Variants in BRI3BP observed in about 807,000 individuals in gnomAD.
The protein encoded by BRI3BP is BRI3 binding protein, also known as BRI3-binding protein.
Under a neutral mutation model 15.8 loss-of-function variants are expected in BRI3BP, and 7 were observed. The ratio of observed to expected loss-of-function variants is 0.44; its 90% CI spans 0.25 to 0.83. The LOEUF (loss-of-function observed/expected upper bound fraction) is 0.83. BRI3BP is among the 40% of genes least tolerant of loss of function. The pLI is 0.20. For synonymous variants in BRI3BP, 192 were observed against 163.5 expected, an observed-to-expected ratio of 1.17 and a Z score of -1.33; for missense variants, 320 against 339.3, an observed-to-expected ratio of 0.94 and a Z score of 0.45.
Position 124,993,755 on chromosome 12 carries a change from AC to A in BRI3BP, c.-32del. 2 of 987,722 alleles carry A rather than the reference AC, an allele frequency of 2.0e-6. No individual in the cohort carries two copies. Among genetic ancestry groups the A allele is most frequent in the Non-Finnish European group, 2.4e-6 (2 of 831,364 alleles). The allele number at this position is 987,722 out of a possible 1,614,324, so 61.2% of individuals were successfully genotyped here. On this transcript the variant is annotated 5_prime_UTR_variant, in exon 1 of 3. Transcript: ENST00000341446. ...CGCTGCGGCCCAGCGCACGGCCCTC[AC>A]CCCGCATCGCGACCCCGCGCCCCGC... is the stretch of plus-strand genomic sequence containing the variant.
At chr12:125,024,871 C>A (rs1184068653) in intron 2 of BRI3BP, 120 bp from the exon 3 acceptor site, 1 of 828,634 alleles carries the variant, frequency 1.2e-6, no homozygotes, top group South Asian at 1.8e-5. Flanking sequence ...TCCTTGAGTT[C>A]CTTTGGTTGT....
At chr12:125,033,247 C>T (rs1268215969), downstream of BRI3BP, among the ~76,000 whole-genome samples, 1 of 152,108 alleles carries the variant, frequency 6.6e-6, no homozygotes, top group African/African-American at 2.4e-5. Flanking sequence ...TAGATTTGGG[C>T]TGGGTGTAGT....
chr12:125,018,378 TTTG>T (rs1452546444), intron 2 of BRI3BP, among the ~76,000 whole-genome samples: 1 of 152,158 alleles, frequency 6.6e-6, no homozygotes, highest in East Asian at 1.9e-4. Flanking sequence ...GTGGGTGTCA[TTTG>T]TTAAGATGAG....
At chr12:125,018,045 G>A (rs193256578) in intron 2 of BRI3BP, among the ~76,000 whole-genome samples, 74 of 152,186 alleles carry the variant, frequency 4.9e-4, no homozygotes, top group African/African-American at 1.7e-3. Context: ...GTAAACACTC[G>A]GGGGCTTACA....
chr12:125,045,686 T>G, the BRI3BP span, among the ~76,000 whole-genome samples: 1 of 152,182 alleles, frequency 6.6e-6, no homozygotes, highest in Non-Finnish European at 1.5e-5. Context: ...CCTGTCAGAC[T>G]TATGTGTAAA....
chr12:125,004,074 C>T (rs1390870124), intron 1 of BRI3BP, among the ~76,000 whole-genome samples: 2 of 152,138 alleles, frequency 1.3e-5, no homozygotes, highest in Admixed American at 6.6e-5. Context: ...TCTGATTTCC[C>T]TGGCCCAAAA....
chr12:125,046,135 GC>G, the BRI3BP span, among the ~76,000 whole-genome samples: 3 of 151,496 alleles, frequency 2.0e-5, no homozygotes, highest in Non-Finnish European at 4.4e-5. Context: ...ATTGACTCTA[GC>G]CTGAGGGACA....
In BRI3BP at chr12:125,025,560, G is replaced by C; in HGVS notation, c.*130G>C. The C allele has an allele frequency of 2.1e-6, 2 of 959,834 alleles. No homozygotes were observed. The highest frequency in any genetic ancestry group is 1.7e-5 in the African/African-American group (1 of 60,530). 59.5% of individuals were successfully genotyped at this position (959,834 alleles called of 1,614,324 possible). On this transcript the variant is annotated 3_prime_UTR_variant, in exon 3 of 3. Coordinates refer to ENST00000341446, the MANE Select transcript of BRI3BP (RefSeq NM_080626.6). ...GAGCAAGAAAGTGGCGCTGTGTAGG[G>C]CTATTTCCACCCACCCGGCAGCTCT...
chr12:125,051,032 G>C, the BRI3BP span, among the ~76,000 whole-genome samples: 1 of 152,214 alleles, frequency 6.6e-6, no homozygotes, highest in Non-Finnish European at 1.5e-5. Flanking sequence ...AAAGAAGCCA[G>C]AGGATGGAGT....
the BRI3BP span, among the ~76,000 whole-genome samples, chr12:125,042,308 G>C: frequency 6.6e-6 from 1 of 151,814 alleles, no homozygotes; most frequent in Non-Finnish European, 1.5e-5. Context: ...CTTCCCACTT[G>C]GTAAATTTGT....
chr12:125,041,516 G>A, the BRI3BP span, among the ~76,000 whole-genome samples: 2 of 152,028 alleles, frequency 1.3e-5, no homozygotes, highest in East Asian at 3.9e-4. Context: ...CACATGTCCT[G>A]AAACCCTGCT....
chr12:124,998,953 C>G (rs756807175), intron 1 of BRI3BP, among the ~76,000 whole-genome samples: 8 of 152,042 alleles, frequency 5.3e-5, no homozygotes. Context: ...TGGCGCACAC[C>G]TGTGGTCCCA....
the BRI3BP span, among the ~76,000 whole-genome samples, chr12:125,047,860 C>T: frequency 6.6e-6 from 1 of 151,254 alleles, no homozygotes; most frequent in Admixed American, 6.6e-5. Flanking sequence ...CCACATCTGG[C>T]TAATTTTTGT....
chr12:125,009,824 G>A (rs1217712548), intron 1 of BRI3BP, among the ~76,000 whole-genome samples: 1 of 152,136 alleles, frequency 6.6e-6, no homozygotes, highest in Non-Finnish European at 1.5e-5. Flanking sequence ...GACATCGGCC[G>A]GGCATGGTGG....
intron 1 of BRI3BP, among the ~76,000 whole-genome samples, chr12:125,003,997 AC>A (rs35363086): frequency 0.013 from 372 of 28,496 alleles, 3 homozygotes; most frequent in South Asian, 0.027. Flanking sequence ...ACACACACAC[AC>A]ACACAACACA....
At chr12:125,008,329 T>C (rs1031122403) in intron 1 of BRI3BP, among the ~76,000 whole-genome samples, 1 of 146,830 alleles carries the variant, frequency 6.8e-6, no homozygotes, top group African/African-American at 2.5e-5. Flanking sequence ...TTTGATTTTT[T>C]TGAGACAGAG....
the BRI3BP span, among the ~76,000 whole-genome samples, chr12:125,042,934 C>G: frequency 1.3e-5 from 2 of 152,046 alleles, no homozygotes; most frequent in Non-Finnish European, 2.9e-5. Flanking sequence ...AGATGTGAGC[C>G]ACTGTGCCCT....
chr12:125,035,184 A>T (rs949432302), downstream of BRI3BP, among the ~76,000 whole-genome samples: 1 of 152,094 alleles, frequency 6.6e-6, no homozygotes, highest in Non-Finnish European at 1.5e-5. Flanking sequence ...CATACTTTTC[A>T]CTTCTCCCAG....
intron 1 of BRI3BP, among the ~76,000 whole-genome samples, chr12:125,011,174 A>C (rs2135993084): frequency 6.7e-6 from 1 of 149,284 alleles, no homozygotes; most frequent in South Asian, 2.2e-4. Context: ...TGGCCCATGT[A>C]GGTGGGTTCT....
Sources: gnomAD v4.1 joint callset for allele counts (sites outside exome capture counted in the v4.1 genomes callset) on GRCh38, gnomAD v4.1.1 for gene constraint, MANE v1.5 for transcripts, NCBI Gene and HGNC (gene_info 2026-07-23, HGNC 2026-07-21) for gene names.